Variants in PCMT1 observed in about 807,000 individuals in gnomAD.
PCMT1 encodes the protein protein-L-isoaspartate (D-aspartate) O-methyltransferase.
In PCMT1, 9 loss-of-function variants were observed where a neutral mutation model predicts 29.2. The observed-to-expected ratio is 0.31, with a 90% CI of 0.19 to 0.54. The LOEUF (loss-of-function observed/expected upper bound fraction) is 0.54. Ranked by LOEUF, PCMT1 falls within the 20% of genes least tolerant of loss-of-function variation. PCMT1 has a pLI of 0.95. For synonymous variants in PCMT1, 98 were observed against 97.5 expected, an observed-to-expected ratio of 1.00 and a Z score of -0.03; for missense variants, 184 against 282.2, an observed-to-expected ratio of 0.65 and a Z score of 2.49.
At chr6:149,806,993 A>G (rs1222457453) in intron 7 of PCMT1, among the ~76,000 whole-genome samples, 2 of 152,180 alleles carry the variant, frequency 1.3e-5, no homozygotes, top group African/African-American at 4.8e-5. Flanking sequence ...ATCCAGAGCT[A>G]ATTGCGGTGC....
chr6:149,771,818 G>A (rs75330085), intron 2 of PCMT1, among the ~76,000 whole-genome samples: 200 of 151,992 alleles, frequency 1.3e-3, no homozygotes, highest in African/African-American at 4.7e-3. Context: ...ACACCCTGCC[G>A]TAAAAAAAAA....
At chr6:149,774,802 G>A (rs966605943) in intron 3 of PCMT1, among the ~76,000 whole-genome samples, 1 of 150,898 alleles carries the variant, frequency 6.6e-6, no homozygotes, top group African/African-American at 2.4e-5. Flanking sequence ...CGCCTCCTGG[G>A]TTCACGCCAT....
intron 7 of PCMT1, among the ~76,000 whole-genome samples, chr6:149,805,721 A>C (rs951256432): frequency 4.0e-5 from 6 of 151,802 alleles, no homozygotes; most frequent in Admixed American, 1.3e-4. Context: ...GCGGATCACG[A>C]GGTCAGGAGA....
chr6:149,770,567 G>T (rs1204742552), intron 1 of PCMT1, among the ~76,000 whole-genome samples: 3 of 151,950 alleles, frequency 2.0e-5, no homozygotes, highest in Admixed American at 1.3e-4. Context: ...TTAGCTGGGC[G>T]TGGTGGCATG....
intron 3 of PCMT1, among the ~76,000 whole-genome samples, chr6:149,773,581 T>G (rs1276246668): frequency 1.3e-5 from 2 of 152,114 alleles, no homozygotes; most frequent in Non-Finnish European, 2.9e-5. Flanking sequence ...GGTTTCATGG[T>G]CTTAGCCAGG....
At chr6:149,804,932 A>T (rs1775963748) in intron 7 of PCMT1, among the ~76,000 whole-genome samples, 1 of 152,058 alleles carries the variant, frequency 6.6e-6, no homozygotes, top group Admixed American at 6.6e-5. Flanking sequence ...ATAAAACCAA[A>T]CTATTTGTAT....
At chr6:149,750,024 C>A (rs1406818688) in intron 1 of PCMT1, 68 bp downstream of exon 1, 2 of 1,515,042 alleles carry the variant, frequency 1.3e-6, no homozygotes, top group Non-Finnish European at 1.8e-6. Flanking sequence ...TCCCCCTGGG[C>A]CGTCCGGAAC....
chr6:149,802,613 TTG>T lies in PCMT1; in HGVS notation c.*37+199_*37+200del, dbSNP rs1281158607. On this transcript the variant is annotated intron_variant, in intron 7 of 7. Transcript: ENST00000464889. ...GACTTGGTTGGCACAAAGGCTTTTTTTGTTTGTTTGTTTGTTTTTTTTTTAGA... is the reference window on the plus strand; with the variant it reads ...GACTTGGTTGGCACAAAGGCTTTTTTTTTGTTTGTTTGTTTTTTTTTTAGA... 3.5e-3 allele frequency: 2,151 copies of T among 608,272 alleles called. 2 individuals are homozygous for T. Among genetic ancestry groups the T allele is most frequent in the East Asian group, 9.5e-3 (209 of 21,924 alleles). The allele number at this position is 608,272 out of a possible 1,614,324, so 37.7% of individuals were successfully genotyped here. A position where few individuals can be genotyped will look rare whatever the true frequency, so the allele number is the denominator to read the frequency against.
chr6:149,771,224 T>A lies in PCMT1; in HGVS notation c.118T>A (p.Tyr40Asn). The part of the protein sequence containing the change: ...EVMLATDRSH[Y>N]AKCNPYMDSP... ...GATGCTGGCTACAGACCGCTCCCAC[T>A]ATGCAAAATGTAACCCATACATGGA... Residue 40 changes from tyrosine (Y) to asparagine (N), a missense_variant, in exon 2 of 8, where the codon TAT (tyrosine) becomes AAT (asparagine). By Grantham distance (143) the Tyr-to-Asn change is moderately radical. Coordinates refer to ENST00000464889, the MANE Select transcript of PCMT1 (RefSeq NM_001360452.2). 6.2e-7 allele frequency: 1 copy of A among 1,612,148 alleles called. No individual in the cohort carries two copies.
At chr6:149,782,537 C>T (rs1022789489) in intron 3 of PCMT1, among the ~76,000 whole-genome samples, 3 of 152,150 alleles carry the variant, frequency 2.0e-5, no homozygotes, top group African/African-American at 7.2e-5. Context: ...CCACTGCTTA[C>T]TAAAAGAGTC....
chr6:149,785,975 T>TAGGGGCGGCCGGGC (rs1788030449), intron 3 of PCMT1, among the ~76,000 whole-genome samples: 1 of 147,772 alleles, frequency 6.8e-6, no homozygotes, highest in Non-Finnish European at 1.5e-5. Flanking sequence ...CACTTCCCAG[T>TAGGGGCGGCCGGGC]AGGGGCGGCC....
chr6:149,804,080 CAAA>C (rs58975454), intron 7 of PCMT1, among the ~76,000 whole-genome samples: 7 of 77,500 alleles, frequency 9.0e-5, no homozygotes, highest in South Asian at 4.6e-4. Context: ...GACTCTGTCT[CAAA>C]AAAAAAAAAA....
intron 3 of PCMT1, among the ~76,000 whole-genome samples, chr6:149,785,236 T>A (rs1297044127): frequency 9.7e-6 from 1 of 103,074 alleles, no homozygotes; most frequent in African/African-American, 6.5e-5. Context: ...TATCAGGAGG[T>A]CCATAATGTC....
At chr6:149,751,972 A>G (rs891773499) in intron 1 of PCMT1, among the ~76,000 whole-genome samples, 1 of 150,572 alleles carries the variant, frequency 6.6e-6, no homozygotes, top group Non-Finnish European at 1.5e-5. Flanking sequence ...TTCTGTGCTC[A>G]AGCGATTTTC....
At chr6:149,803,042 G>T (rs1299887234) in intron 7 of PCMT1, among the ~76,000 whole-genome samples, 5 of 102,536 alleles carry the variant, frequency 4.9e-5, no homozygotes, top group African/African-American at 1.7e-4. Context: ...GACAGAGCAA[G>T]GCTCTGTCTC....
chr6:149,807,591 A>AAACTCCTGACATC, intron 7 of PCMT1, among the ~76,000 whole-genome samples: 1 of 152,126 alleles, frequency 6.6e-6, no homozygotes, highest in South Asian at 2.1e-4. Flanking sequence ...GGCTGGTCTC[A>AAACTCCTGACATC]AACTCCTGAC....
At chr6:149,781,191 TTTTTTTTTTTTTG>T (rs200192622) in intron 3 of PCMT1, among the ~76,000 whole-genome samples, 70,217 of 133,642 alleles carry the variant, frequency 0.53, 20,893 homozygotes, top group East Asian at 0.82. Flanking sequence ...CCCTTTCTTG[TTTTTTTTTTTTTG>T]TTTTTTTTTT....
At chr6:149,787,608 C>G (rs1336366958) in intron 3 of PCMT1, among the ~76,000 whole-genome samples, 4 of 152,056 alleles carry the variant, frequency 2.6e-5, no homozygotes, top group Non-Finnish European at 5.9e-5. Context: ...GGTCATCTGC[C>G]CGCCTCGGCC....
chr6:149,793,238 T>C (rs1235389612), intron 4 of PCMT1, among the ~76,000 whole-genome samples: 1 of 152,104 alleles, frequency 6.6e-6, no homozygotes, highest in Admixed American at 6.6e-5. Context: ...ATACTTTAGA[T>C]GGAATTTAAA....
Sources: gnomAD v4.1 joint callset for allele counts (sites outside exome capture counted in the v4.1 genomes callset) on GRCh38, gnomAD v4.1.1 for gene constraint, MANE v1.5 for transcripts, NCBI Gene and HGNC (gene_info 2026-07-23, HGNC 2026-07-21) for gene names.